The following C9orf72 variants were observed in gnomAD, a reference collection of about 807,000 sequenced individuals.
The protein encoded by C9orf72 is C9orf72-SMCR8 complex subunit.
Under a neutral mutation model 51.6 loss-of-function variants are expected in C9orf72, and 44 were observed. The ratio of observed to expected loss-of-function variants is 0.85; its 90% CI spans 0.67 to 1.10. The LOEUF is 1.10. C9orf72 is among the 50% of genes least tolerant of loss of function. The pLI is 0.00. For missense variants in C9orf72, 607 were observed against 570.6 expected (o/e 1.06, Z -0.65); for synonymous variants, 213 against 194.2 (o/e 1.10, Z -0.81).
At chr9:27,560,937 G>C (rs922521465) in intron 5 of C9orf72, 2 of 239,980 alleles carry the variant, frequency 8.3e-6, no homozygotes, top group South Asian at 1.6e-4. Context: ...GCTATTTCTA[G>C]AAGAAATGTA....
chr9:27,557,729 T>C (rs1372440896), intron 7 of C9orf72, among the ~76,000 whole-genome samples: 1 of 152,118 alleles, frequency 6.6e-6, no homozygotes, highest in Non-Finnish European at 1.5e-5. Context: ...TTTCTATATT[T>C]AAATACTATC....
At chr9:27,552,489 T>C (rs4878487) in intron 8 of C9orf72, among the ~76,000 whole-genome samples, 27,781 of 149,992 alleles carry the variant, frequency 0.19, 2,883 homozygotes, top group East Asian at 0.3. Context: ...GCTGGGACTA[T>C]AGGTGCATGT....
intron 9 of C9orf72, among the ~76,000 whole-genome samples, chr9:27,549,312 G>C (rs1820855650): frequency 6.6e-6 from 1 of 152,028 alleles, no homozygotes; most frequent in Non-Finnish European, 1.5e-5. Context: ...GAAGCTCCTA[G>C]AAGATGAGCC....
rs771227536 is a variant in C9orf72, at chr9:27,558,473, G to C, written c.855+18C>G. ...ATTTTAGAAAAGTGGTTTCACTTGTGATAACTAGAAACTATACCTTTAGCA... is the reference window on the plus strand; with the variant it reads ...ATTTTAGAAAAGTGGTTTCACTTGTCATAACTAGAAACTATACCTTTAGCA... On this transcript the variant is annotated intron_variant, in intron 7 of 10. Transcript: ENST00000380003. The C allele has an allele frequency of 1.5e-6, 2 of 1,347,488 alleles. No homozygotes were observed. Among genetic ancestry groups the C allele is most frequent in the East Asian group, 4.6e-5 (2 of 43,628 alleles). 83.5% of individuals were successfully genotyped at this position (1,347,488 alleles called of 1,614,324 possible).
rs145890257 is a variant in C9orf72 at position 27,568,061 on chromosome 9, A to G, written c.-44-897T>C. ...AAAGTAATACAACACCTAACAACAG[A>G]AATACTTTAAAGCCGCTAAAAGGTC... On this transcript the variant is annotated intron_variant, in intron 1 of 10. Coordinates refer to ENST00000380003, the MANE Select transcript of C9orf72 (RefSeq NM_018325.5). 1.4e-4 allele frequency among the ~76,000 whole-genome samples: 21 copies of G among 149,872 alleles called. No homozygotes were observed. The East Asian group carries it at 3.9e-3, about 28-fold the overall frequency.
intron 3 of C9orf72, 131 bp from the exon 4 acceptor site, chr9:27,562,607 A>T (rs892776051): frequency 2.2e-6 from 1 of 449,028 alleles, no homozygotes; most frequent in African/African-American, 2.0e-5. Context: ...CAAACACAGT[A>T]TCAAACAAGT....
chr9:27,562,152 A>C (rs1819365355), intron 4 of C9orf72, among the ~76,000 whole-genome samples: 1 of 152,242 alleles, frequency 6.6e-6, no homozygotes, highest in African/African-American at 2.4e-5. Flanking sequence ...AAAAGTAATG[A>C]AATAAACAAA....
intron 2 of C9orf72, among the ~76,000 whole-genome samples, chr9:27,566,171 GA>G (rs766073490): frequency 6.6e-6 from 1 of 152,064 alleles, no homozygotes; most frequent in South Asian, 2.1e-4. Flanking sequence ...CAGGATTTAG[GA>G]AAACAATAAT....
chr9:27,567,868 TG>T (rs1388100939), intron 1 of C9orf72, among the ~76,000 whole-genome samples: 1 of 152,092 alleles, frequency 6.6e-6, no homozygotes, highest in Admixed American at 6.6e-5. Context: ...TCAGGATTGC[TG>T]GTAACCACCA....
In C9orf72 at chr9:27,548,772, A is replaced by G. The variant is rs60460283; in HGVS notation, c.1150-106T>C. 756 of 662,544 alleles carry G rather than the reference A, an allele frequency of 1.1e-3. 3 individuals are homozygous for G. In the African/African-American group the frequency reaches 0.012, roughly 11 times the overall value. The allele number at this position is 662,544 out of a possible 1,614,324, so 41.0% of individuals were successfully genotyped here. On this transcript the variant is annotated intron_variant, in intron 9 of 10. Coordinates refer to ENST00000380003, the MANE Select transcript of C9orf72 (RefSeq NM_018325.5). ...GCTTGGCAGACAATACACACTAAAC[A>G]TCTCCTTAACCATTTCCACTGATGC... is the stretch of plus-strand genomic sequence containing the variant.
At chr9:27,557,150 G>C (rs970098658) in intron 7 of C9orf72, among the ~76,000 whole-genome samples, 3 of 152,104 alleles carry the variant, frequency 2.0e-5, no homozygotes, top group South Asian at 4.1e-4. Context: ...TGATCCAGTG[G>C]GGGTGGGAGT....
chr9:27,550,620 C>T (rs765491323), intron 9 of C9orf72, 30 bp downstream of exon 9: 4 of 1,385,270 alleles, frequency 2.9e-6, no homozygotes, highest in Non-Finnish European at 4.1e-6. Flanking sequence ...TCATATCATT[C>T]ACTCTGACAA....
intron 1 of C9orf72, among the ~76,000 whole-genome samples, chr9:27,570,560 T>C (rs1456299601): frequency 6.6e-6 from 1 of 151,870 alleles, no homozygotes; most frequent in East Asian, 1.9e-4. Flanking sequence ...CTCTCACTCC[T>C]AACAGAATAA....
chr9:27,556,005 T>C (rs1367317359), intron 8 of C9orf72, among the ~76,000 whole-genome samples: 1 of 151,980 alleles, frequency 6.6e-6, no homozygotes, highest in African/African-American at 2.4e-5. Flanking sequence ...TGCTCAACAA[T>C]TAATTATCAT....
chr9:27,567,158 G>A lies in C9orf72; in HGVS notation c.-38C>T. 6.5e-7 allele frequency: 1 copy of A among 1,536,452 alleles called. No individual in the cohort carries two copies. Among genetic ancestry groups the A allele is most frequent in the East Asian group, 2.3e-5 (1 of 44,416 alleles). On this transcript the variant is annotated 5_prime_UTR_variant, in exon 2 of 11. Coordinates refer to ENST00000380003, the MANE Select transcript of C9orf72 (RefSeq NM_018325.5). ...ACTGTCACATTATCCAAATGCTCCG[G>A]AGATATCTAAACAATGACATATGAA...
chr9:27,553,414 A>G (rs1255610861), intron 8 of C9orf72, among the ~76,000 whole-genome samples: 1 of 152,176 alleles, frequency 6.6e-6, no homozygotes, highest in Non-Finnish European at 1.5e-5. Context: ...CCACACACTT[A>G]CAACCATCTG....
chr9:27,558,732 T>C, intron 6 of C9orf72, 125 bp from the exon 7 acceptor site: 1 of 570,590 alleles, frequency 1.8e-6, no homozygotes, highest in East Asian at 3.0e-5. Context: ...AAGTATTCTT[T>C]AGTCACCTGG....
intron 7 of C9orf72, 62 bp from the exon 8 acceptor site, chr9:27,556,858 T>C: frequency 8.7e-7 from 1 of 1,146,928 alleles, no homozygotes; most frequent in Non-Finnish European, 1.3e-6. Flanking sequence ...AATTGTTTTT[T>C]AATTTTAAAA....
At chr9:27,567,664 G>T (rs1051455179) in intron 1 of C9orf72, among the ~76,000 whole-genome samples, 22 of 152,126 alleles carry the variant, frequency 1.4e-4, no homozygotes, top group Non-Finnish European at 2.9e-4. Flanking sequence ...TGGTGTACGT[G>T]AATGTGACCT....
Sources: allele counts gnomAD v4.1 joint callset (sites outside exome capture counted in the v4.1 genomes callset), GRCh38; gene constraint gnomAD v4.1.1; transcripts MANE v1.5; gene names NCBI Gene and HGNC (gene_info 2026-07-23, HGNC 2026-07-21).